FAM135A: variants seen among roughly 807,000 people sequenced by gnomAD.
FAM135A encodes protein FAM135A.
A neutral mutation model predicts 146.8 loss-of-function variants in FAM135A; 79 were observed. The observed-to-expected ratio is 0.54, with a 90% CI of 0.45 to 0.65. The LOEUF (loss-of-function observed/expected upper bound fraction) is 0.65. Among genes scored for constraint, FAM135A ranks in the 30% least tolerant of loss-of-function variants. The pLI is 0.00. For missense variants in FAM135A, 1,623 were observed against 1,758.2 expected, an observed-to-expected ratio of 0.92 and a Z score of 1.38; for synonymous variants, 562 against 603.6, an observed-to-expected ratio of 0.93 and a Z score of 1.01.
intron 12 of FAM135A, among the ~76,000 whole-genome samples, chr6:70,509,959 TTTTACAAGCA>T (rs1180834935): frequency 1.3e-5 from 2 of 152,176 alleles, no homozygotes; most frequent in African/African-American, 4.8e-5. Flanking sequence ...ACTGTTTATA[TTTTACAAGCA>T]AAAAGAAATA....
At chr6:70,446,990 C>G (rs991420092) in intron 4 of FAM135A, among the ~76,000 whole-genome samples, 1 of 152,206 alleles carries the variant, frequency 6.6e-6, no homozygotes, top group African/African-American at 2.4e-5. Flanking sequence ...GTTGAATAGT[C>G]CCAGGTTGTC....
At chr6:70,414,750 A>C (rs1447701534) in intron 1 of FAM135A, among the ~76,000 whole-genome samples, 1 of 152,190 alleles carries the variant, frequency 6.6e-6, no homozygotes, top group Non-Finnish European at 1.5e-5. Flanking sequence ...AATCGGTTAC[A>C]CTTACTGATT....
chr6:70,458,253 A>G (rs996382811), intron 5 of FAM135A, among the ~76,000 whole-genome samples: 20 of 152,208 alleles, frequency 1.3e-4, no homozygotes, highest in African/African-American at 4.6e-4. Context: ...AAAGAAATAC[A>G]TAAAATCTCT....
intron 16 of FAM135A, among the ~76,000 whole-genome samples, chr6:70,532,272 T>C (rs986850020): frequency 1.3e-5 from 2 of 152,224 alleles, no homozygotes; most frequent in African/African-American, 4.8e-5. Context: ...GTAAAAAATT[T>C]TTGAAACCCA....
chr6:70,502,676 T>C lies in FAM135A; in HGVS notation c.914T>C (p.Met305Thr), dbSNP rs1360630874. The change falls in exon 12 of 22, where the codon ATG (methionine) becomes ACG (threonine). Residue 305 changes from methionine (M) to threonine (T), a missense_variant. Met to Thr is a moderately conservative substitution (Grantham distance 81, BLOSUM62 -1). Around this residue, in one of 7 missense-constraint regions of FAM135A, gnomAD observed 206 missense variants for 194.7 expected, o/e 1.06. Coordinates refer to ENST00000418814, the MANE Select transcript of FAM135A (RefSeq NM_001162529.3). The stretch of plus-strand genomic sequence containing the variant: ...GATGAACTGGCAGAACTTATAAATA[T>C]GAATCTTGCGCAACTTTGCTCACTT... ...NPDELAELINMNLAQLCSLLM... is the reference protein window; with the variant it reads ...NPDELAELINTNLAQLCSLLM... 1 of 1,612,994 alleles carries C rather than the reference T, an allele frequency of 6.2e-7. No individual in the cohort carries two copies. Among genetic ancestry groups the C allele is most frequent in the Admixed American group, 1.7e-5 (1 of 59,972 alleles).
chr6:70,445,196 A>C (rs1375064211), intron 4 of FAM135A, among the ~76,000 whole-genome samples: 1 of 152,214 alleles, frequency 6.6e-6, no homozygotes, highest in Non-Finnish European at 1.5e-5. Context: ...GGCCAAACCC[A>C]GCCACGCCCA....
chr6:70,507,969 A>G (rs79930695), intron 12 of FAM135A, among the ~76,000 whole-genome samples: 96 of 152,192 alleles, frequency 6.3e-4, no homozygotes, highest in African/African-American at 2.3e-3. Flanking sequence ...AGCCTACCAT[A>G]GATTGATTCA....
chr6:70,502,582 G>T (rs1262570055), intron 11 of FAM135A, 54 bp from the exon 12 acceptor site: 4 of 1,524,422 alleles, frequency 2.6e-6, no homozygotes, highest in Non-Finnish European at 2.7e-6. Flanking sequence ...TTATATTTAA[G>T]TATGTTACAT....
chr6:70,545,078 A>G (rs1002255981), intron 20 of FAM135A, among the ~76,000 whole-genome samples: 1 of 151,876 alleles, frequency 6.6e-6, no homozygotes, highest in African/African-American at 2.4e-5. Context: ...AAAACAAACA[A>G]ACAAAAAAAA....
chr6:70,425,501 G>A (rs915914972), intron 2 of FAM135A, among the ~76,000 whole-genome samples: 1 of 152,056 alleles, frequency 6.6e-6, no homozygotes. Context: ...TATGGGAGCT[G>A]GTAAAGTCTA....
At chr6:70,461,665 G>T (rs578111404) in intron 5 of FAM135A, among the ~76,000 whole-genome samples, 16 of 152,236 alleles carry the variant, frequency 1.1e-4, no homozygotes, top group African/African-American at 3.4e-4. Flanking sequence ...AAGAGAAGAA[G>T]AGAACTCCCG....
chr6:70,426,268 A>G (rs999932507), intron 2 of FAM135A, among the ~76,000 whole-genome samples, 171 bp from the exon 3 acceptor site: 6 of 152,214 alleles, frequency 3.9e-5, no homozygotes, highest in African/African-American at 9.6e-5. Flanking sequence ...TAATATTGAT[A>G]TTGAAATTGT....
intron 5 of FAM135A, among the ~76,000 whole-genome samples, chr6:70,462,991 T>C (rs1430551802): frequency 1.3e-5 from 2 of 152,228 alleles, no homozygotes; most frequent in African/African-American, 4.8e-5. Context: ...TTTCAGGGCC[T>C]TCCTTTGAGA....
chr6:70,475,775 CTG>C (rs765114594), intron 7 of FAM135A, 42 bp downstream of exon 7: 9 of 1,451,606 alleles, frequency 6.2e-6, no homozygotes, highest in Admixed American at 5.7e-5. Flanking sequence ...GCACTTATGA[CTG>C]TTATTTGTTA....
At chr6:70,475,605 T>C in intron 6 of FAM135A, 56 bp downstream of exon 6, 1 of 1,584,534 alleles carries the variant, frequency 6.3e-7, no homozygotes, top group Non-Finnish European at 8.6e-7. Flanking sequence ...CCTCAAGATG[T>C]TATTTCTAAC....
intron 16 of FAM135A, among the ~76,000 whole-genome samples, chr6:70,531,470 A>G (rs1049849321): frequency 1.9e-4 from 29 of 152,312 alleles, no homozygotes; most frequent in Non-Finnish European, 3.5e-4. Context: ...GTCTGCAGCT[A>G]ATTTGAGCAC....
At chr6:70,522,611 A>G (rs777499498) in intron 13 of FAM135A, 25 bp downstream of exon 13, 4 of 1,572,660 alleles carry the variant, frequency 2.5e-6, no homozygotes, top group Admixed American at 1.7e-5. Flanking sequence ...TTCAAAATTA[A>G]AATGATATTA....
chr6:70,484,765 T>C (rs1288899787), intron 10 of FAM135A, among the ~76,000 whole-genome samples: 1 of 152,230 alleles, frequency 6.6e-6, no homozygotes, highest in Non-Finnish European at 1.5e-5. Flanking sequence ...CACCTCCTGC[T>C]GTGCAGTCCA....
intron 5 of FAM135A, among the ~76,000 whole-genome samples, chr6:70,464,694 C>G (rs1365191826): frequency 8.2e-6 from 1 of 121,370 alleles, no homozygotes; most frequent in South Asian, 2.4e-4. Context: ...GAGACAGTCT[C>G]ACTTTGTCAC....
Sources: allele counts gnomAD v4.1 joint callset (sites outside exome capture counted in the v4.1 genomes callset), GRCh38; gene constraint gnomAD v4.1.1; regional missense constraint gnomAD v4.1.1; transcripts MANE v1.5; gene names NCBI Gene and HGNC (gene_info 2026-07-23, HGNC 2026-07-21).